The following UMAD1 variants were observed in gnomAD, a reference collection of about 807,000 sequenced individuals.
UMAD1 encodes UBAP1-MVB12-associated (UMA) domain containing 1, also known as UBAP1-MVB12-associated (UMA)-domain containing protein 1.
UMAD1 carries 8 observed loss-of-function variants against 6.1 expected under a neutral mutation model. That is an observed-to-expected ratio of 1.30 (90% CI 0.76 to 2.35). UMAD1 has a LOEUF of 2.35. Ranked by LOEUF, UMAD1 falls within the 30% of genes most tolerant of loss-of-function variation. UMAD1 has a pLI of 0.00. For missense variants in UMAD1, 130 were observed against 78.4 expected (o/e 1.66, Z -2.49); for synonymous variants, 56 against 31.4 (o/e 1.78, Z -2.61).
At position 7,726,071 on chromosome 7, in the gene UMAD1, G is replaced by C. The variant is rs1460856064; in HGVS notation, c.82+52618G>C. The stretch of plus-strand genomic sequence containing the variant: ...ATTATGTACTGATTCATGGGCTGTA[G>C]CCAGTGGTTTGGCTGGATGGTCAGG... On this transcript the variant is annotated intron_variant, in intron 2 of 3. Coordinates refer to ENST00000682710, the MANE Select transcript of UMAD1 (RefSeq NM_001302348.2). Among the ~76,000 whole-genome samples the C allele has an allele frequency of 2.0e-5, 3 of 152,276 alleles. No individual in the cohort carries two copies. In the South Asian group the frequency reaches 6.2e-4, roughly 32 times the overall value.
intron 2 of UMAD1, among the ~76,000 whole-genome samples, chr7:7,750,556 G>T (rs1459523107): frequency 6.6e-6 from 1 of 151,994 alleles, no homozygotes; most frequent in Non-Finnish European, 1.5e-5. Flanking sequence ...ATTATACACG[G>T]TTTCATATTT....
intron 3 of UMAD1, among the ~76,000 whole-genome samples, chr7:7,866,552 G>A (rs1389600777): frequency 6.6e-6 from 1 of 152,200 alleles, no homozygotes; most frequent in Non-Finnish European, 1.5e-5. Context: ...AATGAGCCAA[G>A]GCTCAGAACT....
chr7:7,762,735 T>C (rs1398494932), intron 2 of UMAD1, among the ~76,000 whole-genome samples: 1 of 152,180 alleles, frequency 6.6e-6, no homozygotes, highest in South Asian at 2.1e-4. Context: ...ACTCGAAGAC[T>C]GAGTCACATA....
At chr7:7,762,911 G>C (rs901554106) in intron 2 of UMAD1, among the ~76,000 whole-genome samples, 1 of 152,118 alleles carries the variant, frequency 6.6e-6, no homozygotes, top group Non-Finnish European at 1.5e-5. Context: ...ATTAATTTTA[G>C]CAGGTTTGAT....
chr7:7,641,891 T>C (rs1784981816), intron 1 of UMAD1, among the ~76,000 whole-genome samples: 1 of 152,194 alleles, frequency 6.6e-6, no homozygotes, highest in Admixed American at 6.5e-5. Context: ...AATGATAGTC[T>C]CCCTTAGTGT....
chr7:7,729,096 G>GT (rs1781197776), intron 2 of UMAD1, among the ~76,000 whole-genome samples: 1 of 152,234 alleles, frequency 6.6e-6, no homozygotes, highest in Non-Finnish European at 1.5e-5. Context: ...ACGTGAATGA[G>GT]TTAACTGGAT....
At chr7:7,747,359 C>T (rs774229835) in intron 2 of UMAD1, among the ~76,000 whole-genome samples, 5 of 152,130 alleles carry the variant, frequency 3.3e-5, no homozygotes, top group African/African-American at 9.7e-5. Context: ...GCATTTCATA[C>T]GTGCTACTTT....
rs532734705 is a variant in UMAD1 at position 7,863,036 on chromosome 7, G to A, written c.157-14245G>A. 4.6e-5 allele frequency among the ~76,000 whole-genome samples: 7 copies of A among 151,888 alleles called. No homozygotes were observed. In the East Asian group the frequency reaches 1.3e-3, roughly 29 times the overall value. On this transcript the variant is annotated intron_variant, in intron 3 of 3. Transcript: ENST00000682710. ...ATTTAATGTAAAAAAAAAGAAATCA[G>A]CTTGGCCAAGTTGGATTACCTTGTT...
At chr7:7,797,322 G>T (rs985026043) in intron 2 of UMAD1, among the ~76,000 whole-genome samples, 1 of 152,102 alleles carries the variant, frequency 6.6e-6, no homozygotes, top group Non-Finnish European at 1.5e-5. Flanking sequence ...CAACATTCGA[G>T]GTTACATTTC....
At chr7:7,753,652 G>A (rs1326794510) in intron 2 of UMAD1, among the ~76,000 whole-genome samples, 1 of 152,026 alleles carries the variant, frequency 6.6e-6, no homozygotes, top group East Asian at 1.9e-4. Flanking sequence ...TAAATACCAC[G>A]TTTTCTCTAT....
At chr7:7,656,645 C>T (rs1346023224) in intron 1 of UMAD1, among the ~76,000 whole-genome samples, 1 of 152,184 alleles carries the variant, frequency 6.6e-6, no homozygotes, top group Non-Finnish European at 1.5e-5. Context: ...AGGATATGAA[C>T]TCATTCTTTT....
intron 2 of UMAD1, chr7:7,715,122 T>G (rs953634420): frequency 6.6e-6 from 1 of 152,180 alleles, no homozygotes; most frequent in African/African-American, 2.4e-5. Context: ...ATAGAATATC[T>G]CACCATTAAT....
chr7:7,772,364 G>A (rs1486135799), intron 2 of UMAD1: 1 of 152,208 alleles, frequency 6.6e-6, no homozygotes, highest in African/African-American at 2.4e-5. Context: ...GTTCTTTGCA[G>A]TCATTCTTTA....
chr7:7,779,164 G>A (rs903962179), intron 2 of UMAD1, among the ~76,000 whole-genome samples: 1 of 152,082 alleles, frequency 6.6e-6, no homozygotes, highest in Admixed American at 6.5e-5. Flanking sequence ...GAAGTATTTT[G>A]AAGTGAGAGA....
intron 2 of UMAD1, among the ~76,000 whole-genome samples, chr7:7,779,805 T>A: frequency 6.6e-6 from 1 of 152,024 alleles, no homozygotes; most frequent in Non-Finnish European, 1.5e-5. Flanking sequence ...CCACCACACC[T>A]GGCTAATTTT....
At chr7:7,825,051 A>G (rs1021615050) in intron 3 of UMAD1, among the ~76,000 whole-genome samples, 3 of 152,134 alleles carry the variant, frequency 2.0e-5, no homozygotes, top group African/African-American at 7.2e-5. Flanking sequence ...CACACTTTCC[A>G]TTCAGGTTTG....
intron 1 of UMAD1, among the ~76,000 whole-genome samples, chr7:7,642,418 C>G (rs1348857280): frequency 6.6e-6 from 1 of 152,032 alleles, no homozygotes; most frequent in African/African-American, 2.4e-5. Context: ...GTCTCCCTCC[C>G]AAAGTACTGG....
intron 2 of UMAD1, chr7:7,772,305 A>G (rs1311838636): frequency 1.3e-5 from 2 of 152,242 alleles, no homozygotes; most frequent in Non-Finnish European, 2.9e-5. Flanking sequence ...TTTTGTGAAT[A>G]TGCTGAAGTT....
At chr7:7,869,591 T>C (rs943260156) in intron 3 of UMAD1, among the ~76,000 whole-genome samples, 1 of 152,204 alleles carries the variant, frequency 6.6e-6, no homozygotes, top group African/African-American at 2.4e-5. Context: ...TACTACTTTA[T>C]CTCTGTCTGA....
Sources: allele counts gnomAD v4.1 joint callset (sites outside exome capture counted in the v4.1 genomes callset), GRCh38; gene constraint gnomAD v4.1.1; transcripts MANE v1.5; gene names NCBI Gene and HGNC (gene_info 2026-07-23, HGNC 2026-07-21).